GKAP1: variants seen among roughly 807,000 people sequenced by gnomAD.
GKAP1 encodes G kinase anchoring protein 1.
In GKAP1, 31 loss-of-function variants were observed where a neutral mutation model predicts 56.7. That is an observed-to-expected ratio of 0.55 (90% CI 0.41 to 0.74). GKAP1 has a LOEUF of 0.74. Ranked by LOEUF, GKAP1 falls within the 30% of genes least tolerant of loss-of-function variation. The pLI, the probability that GKAP1 is intolerant of heterozygous loss-of-function variation, is 0.00. For missense variants in GKAP1, 364 were observed against 402.3 expected, an observed-to-expected ratio of 0.90 and a Z score of 0.82; for synonymous variants, 151 against 138.6, an observed-to-expected ratio of 1.09 and a Z score of -0.63.
At chr9:83,817,485 C>A (rs558416214) in intron 1 of GKAP1, 32 bp downstream of exon 1, 100 of 151,420 alleles carry the variant, frequency 6.6e-4, no homozygotes, top group African/African-American at 2.3e-3. Flanking sequence ...GGAGCGGACA[C>A]CCGCGAGGCG....
At chr9:83,746,101 A>C (rs1371606685) in intron 10 of GKAP1, among the ~76,000 whole-genome samples, 1 of 152,034 alleles carries the variant, frequency 6.6e-6, no homozygotes, top group African/African-American at 2.4e-5. Flanking sequence ...TCCCCCCATA[A>C]TTCTTTAACT....
Position 83,753,322 on chromosome 9 carries a change from T to A in GKAP1, c.776A>T (p.Lys259Met), listed in dbSNP as rs1038232698. The A allele has an allele frequency of 2.5e-6, 4 of 1,610,696 alleles. No homozygotes were observed. The highest frequency in any genetic ancestry group is 1.3e-5 in the African/African-American group (1 of 74,996). ...VLKDGRIERL[K>M]LELERKDAEI... The stretch of plus-strand genomic sequence containing the variant: ...AGCATCTTTCCTTTCAAGCTCTAAC[T>A]TTAGTCTTTCAATTCTTCCATCTTT... The change falls in exon 9 of 13, where the codon AAG (lysine) becomes ATG (methionine). Residue 259 changes from lysine to methionine, a missense_variant. By Grantham distance (95) the Lys-to-Met change is moderately conservative. Coordinates refer to ENST00000376371, the MANE Select transcript of GKAP1 (RefSeq NM_025211.4).
At chr9:83,789,211 T>C (rs1944114605) in intron 4 of GKAP1, 2 of 152,348 alleles carry the variant, frequency 1.3e-5, no homozygotes, top group Non-Finnish European at 1.5e-5. Context: ...TGATAAACTA[T>C]ATGGTTGCTT....
intron 8 of GKAP1, among the ~76,000 whole-genome samples, chr9:83,764,884 G>T (rs549193892): frequency 1.3e-5 from 2 of 152,266 alleles, no homozygotes; most frequent in South Asian, 4.1e-4. Context: ...GAGCATAAAA[G>T]TTCAGAAAAT....
chr9:83,816,420 T>C (rs1255876850), intron 2 of GKAP1, among the ~76,000 whole-genome samples: 2 of 152,204 alleles, frequency 1.3e-5, no homozygotes, highest in Non-Finnish European at 2.9e-5. Context: ...ACCTGAGGGA[T>C]TCTCCCACGA....
intron 6 of GKAP1, among the ~76,000 whole-genome samples, chr9:83,782,095 G>C (rs527833422): frequency 1.6e-3 from 249 of 151,908 alleles, no homozygotes; most frequent in African/African-American, 5.8e-3. Context: ...GCCCACCTCG[G>C]CCTCCCAAAG....
At chr9:83,778,052 T>C (rs1325680249) in intron 7 of GKAP1, among the ~76,000 whole-genome samples, 1 of 152,132 alleles carries the variant, frequency 6.6e-6, no homozygotes, top group Admixed American at 6.6e-5. Context: ...AAATAACAGA[T>C]ACTGGCAGGG....
rs1943488258 is a variant in GKAP1 at position 83,756,982 on chromosome 9, T to C, written c.739-3623A>G. 2.6e-5 allele frequency among the ~76,000 whole-genome samples: 4 copies of C among 152,166 alleles called. No homozygotes were observed. In the South Asian group the frequency reaches 8.3e-4, roughly 31 times the overall value. On this transcript the variant is annotated intron_variant, in intron 8 of 12. Transcript: ENST00000376371. ...AGTATCTTCTAAGTAGAAAATATTA[T>C]ACTAAAATGAGGATGAAAAGATGTA...
rs144666343 is a variant in GKAP1 at position 83,808,833 on chromosome 9, G to A, written c.-43-2273C>T. Among the ~76,000 whole-genome samples the A allele has an allele frequency of 4.9e-3, 752 of 152,306 alleles. 10 individuals are homozygous for A. The highest frequency in any genetic ancestry group is 0.018 in the African/African-American group (731 of 41,554). On this transcript the variant is annotated intron_variant, in intron 2 of 12. Coordinates refer to ENST00000376371, the MANE Select transcript of GKAP1 (RefSeq NM_025211.4). ...AACCAGGTAACTTACTTTGGCCAGC[G>A]AAATATAAACTTTAAAAAGCTTTAC...
intron 2 of GKAP1, among the ~76,000 whole-genome samples, chr9:83,810,488 A>G (rs1003251136): frequency 5.3e-5 from 8 of 152,238 alleles, no homozygotes; most frequent in East Asian, 3.9e-4. Context: ...ATCCTATACT[A>G]TAACAAAAAC....
At chr9:83,800,337 T>A (rs1944311493) in intron 3 of GKAP1, among the ~76,000 whole-genome samples, 2 of 150,226 alleles carry the variant, frequency 1.3e-5, no homozygotes, top group South Asian at 4.2e-4. Flanking sequence ...TTACGTTTTT[T>A]TTTTGTTTTT....
chr9:83,754,792 T>C (rs1943447416), intron 8 of GKAP1, among the ~76,000 whole-genome samples: 2 of 152,198 alleles, frequency 1.3e-5, no homozygotes, highest in Non-Finnish European at 2.9e-5. Flanking sequence ...GTGAAGGATT[T>C]TGAACAGGAC....
Position 83,739,682 on chromosome 9 carries a change from C to A in GKAP1, c.*15G>T, listed in dbSNP as rs2131218258. 5 of 1,594,756 alleles carry A rather than the reference C, an allele frequency of 3.1e-6. No homozygotes were observed. The East Asian group carries it at 9.0e-5, about 29-fold the overall frequency. On this transcript the variant is annotated 3_prime_UTR_variant, in exon 13 of 13. Transcript: ENST00000376371. ...GAAGTTTTAAACTTTGTGTTGACTT[C>A]AAAGGCTAATGTAATCACCTACACT...
At position 83,809,253 on chromosome 9, in the gene GKAP1, A is replaced by G. The variant is rs188019069; in HGVS notation, c.-43-2693T>C. On this transcript the variant is annotated intron_variant, in intron 2 of 12. Transcript: ENST00000376371. ...TAGCATAAGGCAGAGCTATCTTACC[A>G]GGGTATCCTTAGATAAAGTTTCCCT... 2.6e-5 allele frequency among the ~76,000 whole-genome samples: 4 copies of G among 152,354 alleles called. No individual in the cohort carries two copies. The East Asian group carries it at 7.7e-4, about 29-fold the overall frequency.
At chr9:83,768,623 G>C (rs960282593) in intron 8 of GKAP1, among the ~76,000 whole-genome samples, 195 bp downstream of exon 8, 2 of 152,102 alleles carry the variant, frequency 1.3e-5, no homozygotes, top group Admixed American at 1.3e-4. Flanking sequence ...AGTCATCAAT[G>C]AATGAACTAG....
chr9:83,744,839 C>T (rs7031756), intron 10 of GKAP1, among the ~76,000 whole-genome samples: 3,335 of 152,216 alleles, frequency 0.022, 136 homozygotes, highest in African/African-American at 0.076. Flanking sequence ...TAGTAGAAGG[C>T]ACTGCTTCAC....
intron 3 of GKAP1, among the ~76,000 whole-genome samples, chr9:83,805,376 C>CTG (rs1944422440): frequency 6.6e-6 from 1 of 151,940 alleles, no homozygotes; most frequent in Non-Finnish European, 1.5e-5. Flanking sequence ...AACCTTTGTT[C>CTG]ACTTGTTTAT....
In GKAP1 at chr9:83,806,365, T is replaced by G; in HGVS notation, c.153A>C (p.Thr51=). 6.4e-7 allele frequency: 1 copy of G among 1,572,744 alleles called. No homozygotes were observed. Among genetic ancestry groups the G allele is most frequent in the Admixed American group, 1.9e-5 (1 of 53,352 alleles). Residue 51 remains threonine (T), a synonymous_variant, in exon 3 of 13, where the codon ACA becomes ACC. Coordinates refer to ENST00000376371, the MANE Select transcript of GKAP1 (RefSeq NM_025211.4). ...KSQTLGSKST[T]NEKKREKRRK... is the part of the protein sequence containing the mutation. ...TTCTTTTCTCTCTTTTTTTCTCATT[T>G]GTAGTTGACTTGCTTCCTAAAGTTT... is the stretch of plus-strand genomic sequence containing the variant.
At chr9:83,772,914 A>C (rs754115163) in intron 7 of GKAP1, among the ~76,000 whole-genome samples, 10 of 152,234 alleles carry the variant, frequency 6.6e-5, no homozygotes, top group Non-Finnish European at 1.2e-4. Context: ...CTATAATCAA[A>C]ACAAGAGATA....
Sources: allele counts gnomAD v4.1 joint callset (sites outside exome capture counted in the v4.1 genomes callset), GRCh38; gene constraint gnomAD v4.1.1; transcripts MANE v1.5; gene names NCBI Gene and HGNC (gene_info 2026-07-23, HGNC 2026-07-21).